The following DLG2 variants were observed in gnomAD, a reference collection of about 807,000 sequenced individuals.
The protein encoded by DLG2 is disks large homolog 2.
DLG2 carries 45 observed loss-of-function variants against 132.5 expected under a neutral mutation model. The observed-to-expected ratio is 0.34, with a 90% CI of 0.27 to 0.44. The LOEUF (loss-of-function observed/expected upper bound fraction) is 0.44, where lower values mean the gene tolerates loss of function less well. DLG2 is among the 20% of genes least tolerant of loss of function. The probability of loss-of-function intolerance (pLI) is 1.00; values close to 1 mark genes in which losing one functional copy is unlikely to be tolerated. For missense variants in DLG2, 1,045 were observed against 1,196.9 expected, an observed-to-expected ratio of 0.87 and a Z score of 1.87; for synonymous variants, 424 against 419.6, an observed-to-expected ratio of 1.01 and a Z score of -0.13.
At chr11:84,878,457 C>G (rs1265929517) in intron 6 of DLG2, among the ~76,000 whole-genome samples, 1 of 152,038 alleles carries the variant, frequency 6.6e-6, no homozygotes, top group Non-Finnish European at 1.5e-5. Flanking sequence ...AACACAGGAA[C>G]AGGAAACCAA....
intron 6 of DLG2, among the ~76,000 whole-genome samples, chr11:84,578,243 T>A (rs1039387763): frequency 6.6e-6 from 1 of 152,070 alleles, no homozygotes; most frequent in African/African-American, 2.4e-5. Context: ...CCATACAAAG[T>A]CCCTACTGGG....
At chr11:84,384,960 T>C (rs1482855439) in intron 7 of DLG2, among the ~76,000 whole-genome samples, 5 of 152,080 alleles carry the variant, frequency 3.3e-5, no homozygotes, top group African/African-American at 7.2e-5. Flanking sequence ...GGTGCAGGGG[T>C]TGGATGGAGA....
chr11:83,807,544 C>G (rs2046221211), intron 17 of DLG2, among the ~76,000 whole-genome samples: 1 of 152,090 alleles, frequency 6.6e-6, no homozygotes, highest in Admixed American at 6.6e-5. Context: ...CGTTCAGTTC[C>G]TAGCACAAAG....
chr11:85,122,980 T>TATATATATA (rs1169673884), intron 5 of DLG2, among the ~76,000 whole-genome samples: 1 of 27,594 alleles, frequency 3.6e-5, no homozygotes, highest in Non-Finnish European at 6.6e-5. Flanking sequence ...TTTTTTTTTT[T>TATATATATA]TTTTTTTTTT....
chr11:84,276,243 C>T (rs2097782163), intron 7 of DLG2, among the ~76,000 whole-genome samples: 1 of 152,156 alleles, frequency 6.6e-6, no homozygotes, highest in Non-Finnish European at 1.5e-5. Flanking sequence ...GAAATAGGCA[C>T]ATTGATATAC....
intron 26 of DLG2, 46 bp downstream of exon 26, chr11:83,466,662 G>T (rs1289094564): frequency 1.8e-6 from 2 of 1,098,280 alleles, no homozygotes; most frequent in Non-Finnish European, 2.8e-6. Context: ...GTATAATACA[G>T]AACAGGGAGT....
intron 6 of DLG2, among the ~76,000 whole-genome samples, chr11:84,840,170 G>C (rs2080433745): frequency 6.6e-6 from 1 of 152,048 alleles, no homozygotes; most frequent in Non-Finnish European, 1.5e-5. Context: ...TCATCAAAAA[G>C]GGGGGAAAGG....
intron 7 of DLG2, among the ~76,000 whole-genome samples, chr11:84,361,816 C>T (rs949917170): frequency 6.6e-6 from 1 of 151,872 alleles, no homozygotes; most frequent in Non-Finnish European, 1.5e-5. Context: ...GAGTTTCTCA[C>T]ATTATATGTG....
At chr11:83,486,993 A>AAT (rs2093557167) in intron 21 of DLG2, among the ~76,000 whole-genome samples, 1 of 151,948 alleles carries the variant, frequency 6.6e-6, no homozygotes, top group African/African-American at 2.4e-5. Flanking sequence ...TTTTTCTTTT[A>AAT]ATATAGAAAA....
chr11:84,970,652 G>A (rs2053981591), intron 6 of DLG2, among the ~76,000 whole-genome samples: 2 of 152,082 alleles, frequency 1.3e-5, no homozygotes. Flanking sequence ...TAGGGGTTAG[G>A]ACTTCGACAT....
intron 6 of DLG2, among the ~76,000 whole-genome samples, chr11:84,744,898 T>TAAAAAA (rs758776805): frequency 4.2e-5 from 3 of 71,816 alleles, no homozygotes; most frequent in Admixed American, 1.6e-4. Context: ...AGTAAAGGTC[T>TAAAAAA]AAAAAAAAAA....
At chr11:84,105,699 T>A (rs750891110) in intron 9 of DLG2, among the ~76,000 whole-genome samples, 1 of 152,064 alleles carries the variant, frequency 6.6e-6, no homozygotes, top group Non-Finnish European at 1.5e-5. Flanking sequence ...AAAAAACAGC[T>A]AGATAAAAAA....
chr11:84,184,201 A>C (rs1214274686), intron 8 of DLG2, among the ~76,000 whole-genome samples: 2 of 152,168 alleles, frequency 1.3e-5, no homozygotes, highest in African/African-American at 2.4e-5. Context: ...AACAGTGTAA[A>C]AGTGCTCCTA....
chr11:83,956,014 T>A (rs144351102), intron 14 of DLG2, among the ~76,000 whole-genome samples: 149 of 152,212 alleles, frequency 9.8e-4, no homozygotes, highest in African/African-American at 3.5e-3. Flanking sequence ...TCCTCCTTAA[T>A]AAACTCCCCT....
At chr11:84,711,984 C>G (rs559292563) in intron 6 of DLG2, among the ~76,000 whole-genome samples, 3 of 151,902 alleles carry the variant, frequency 2.0e-5, no homozygotes, top group Non-Finnish European at 4.4e-5. Flanking sequence ...ACAGTTTACA[C>G]GGGCAAATGG....
At chr11:85,463,630 G>A (rs1485274216) in intron 3 of DLG2, among the ~76,000 whole-genome samples, 1 of 152,040 alleles carries the variant, frequency 6.6e-6, no homozygotes, top group African/African-American at 2.4e-5. Flanking sequence ...AATTAGGCAG[G>A]CATGGTTGTG....
chr11:83,868,088 G>A (rs2062733146), intron 16 of DLG2, among the ~76,000 whole-genome samples: 1 of 152,140 alleles, frequency 6.6e-6, no homozygotes, highest in Non-Finnish European at 1.5e-5. Flanking sequence ...ATGCTGAACT[G>A]GGGGGACAGC....
rs1483900435 is a variant in DLG2 at position 83,976,557 on chromosome 11, G to A, written c.1056+3949C>T. On this transcript the variant is annotated intron_variant, in intron 12 of 27. Coordinates refer to ENST00000376104, the MANE Select transcript of DLG2 (RefSeq NM_001142699.3). ...GGAGAGCATTAATAAATATTTTTGG[G>A]TTGAAGCAAGATAATTGGTCTTTTA... Among the ~76,000 whole-genome samples, 4 of 151,774 alleles carry A rather than the reference G, an allele frequency of 2.6e-5. No individual in the cohort carries two copies. The Admixed American group carries it at 2.6e-4, about 10-fold the overall frequency.
At chr11:83,689,305 TG>T (rs2080420706) in intron 18 of DLG2, among the ~76,000 whole-genome samples, 1 of 152,016 alleles carries the variant, frequency 6.6e-6, no homozygotes, top group Non-Finnish European at 1.5e-5. Flanking sequence ...AAAGAGATGG[TG>T]GGGGGTTAAC....
Sources: gnomAD v4.1 joint callset for allele counts (sites outside exome capture counted in the v4.1 genomes callset) on GRCh38, gnomAD v4.1.1 for gene constraint, MANE v1.5 for transcripts, NCBI Gene and HGNC (gene_info 2026-07-23, HGNC 2026-07-21) for gene names.